SV2C: variants seen among roughly 807,000 people sequenced by gnomAD.
The protein encoded by SV2C is solute carrier family 22 member B3.
In SV2C, 49 loss-of-function variants were observed where a neutral mutation model predicts 79.7. The ratio of observed to expected loss-of-function variants is 0.61; its 90% CI spans 0.49 to 0.78. The LOEUF (loss-of-function observed/expected upper bound fraction) is 0.78. Among genes scored for constraint, SV2C ranks in the 30% least tolerant of loss-of-function variants. The pLI is 0.00. For synonymous variants in SV2C, 334 were observed against 333.2 expected (o/e 1.00, Z -0.03); for missense variants, 833 against 912.9 (o/e 0.91, Z 1.13).
At chr5:75,903,200 G>C in the SV2C span, among the ~76,000 whole-genome samples, 7 of 152,176 alleles carry the variant, frequency 4.6e-5, no homozygotes, top group South Asian at 1.5e-3. Context: ...TAAAGAATAA[G>C]AGCATAGAAT....
chr5:76,238,386 C>T (rs1745682705), intron 4 of SV2C, among the ~76,000 whole-genome samples: 2 of 151,888 alleles, frequency 1.3e-5, no homozygotes, highest in African/African-American at 4.8e-5. Flanking sequence ...TCATGTTCTC[C>T]TACATCTCTA....
intron 4 of SV2C, among the ~76,000 whole-genome samples, chr5:76,253,663 T>C (rs1462730437): frequency 6.7e-6 from 1 of 150,358 alleles, no homozygotes; most frequent in Non-Finnish European, 1.5e-5. Flanking sequence ...TCCAGCCGTT[T>C]CTGGGACAGT....
At chr5:75,943,305 T>G in the SV2C span, among the ~76,000 whole-genome samples, 39,441 of 152,062 alleles carry the variant, frequency 0.26, 5,843 homozygotes, top group African/African-American at 0.41. Flanking sequence ...GTACTGATGG[T>G]TATTAGTCTT....
upstream of SV2C, chr5:76,079,700 A>C: frequency 9.3e-6 from 3 of 323,702 alleles, no homozygotes; most frequent in Non-Finnish European, 1.9e-5. Flanking sequence ...CTCAAAGGAG[A>C]TCGTCTATGT....
chr5:76,262,858 G>T (rs909829529), intron 4 of SV2C, among the ~76,000 whole-genome samples: 3 of 152,146 alleles, frequency 2.0e-5, no homozygotes, highest in Admixed American at 1.3e-4. Context: ...CAATTATGTG[G>T]TTTATTTTAG....
intron 3 of SV2C, among the ~76,000 whole-genome samples, chr5:76,204,546 A>T (rs1744552108): frequency 6.6e-6 from 1 of 152,224 alleles, no homozygotes; most frequent in South Asian, 2.1e-4. Flanking sequence ...CTTGACAATT[A>T]TATGGTGAAA....
chr5:76,146,754 A>C (rs368045319), intron 2 of SV2C, among the ~76,000 whole-genome samples: 2 of 148,630 alleles, frequency 1.3e-5, no homozygotes, highest in African/African-American at 5.0e-5. Flanking sequence ...GGCTAATGAC[A>C]TCAGAACTGG....
At chr5:76,223,444 CATATATATATATATATATATATATATAT>C (rs70979384) in intron 4 of SV2C, among the ~76,000 whole-genome samples, 76 of 45,784 alleles carry the variant, frequency 1.7e-3, no homozygotes, top group South Asian at 7.7e-3. Flanking sequence ...TACATACATA[CATATATATATATATATATATATATATAT>C]ATATATATAT....
chr5:76,164,324 A>G (rs1742979794), intron 2 of SV2C, among the ~76,000 whole-genome samples: 1 of 152,236 alleles, frequency 6.6e-6, no homozygotes, highest in Non-Finnish European at 1.5e-5. Context: ...TTCCTTTTCC[A>G]GAAAGTCTCA....
intron 4 of SV2C, 71 bp downstream of exon 4, chr5:76,209,958 C>T (rs1210310529): frequency 6.6e-7 from 1 of 1,514,812 alleles, no homozygotes; most frequent in East Asian, 2.4e-5. Context: ...CATCTTCTTC[C>T]TCTCTTCTAA....
At chr5:76,241,894 T>C in intron 4 of SV2C, 1 of 632,354 alleles carries the variant, frequency 1.6e-6, no homozygotes, top group Admixed American at 2.6e-5. Flanking sequence ...TTCTATGTGC[T>C]AACAACATAG....
chr5:75,971,726 A>G, the SV2C span, among the ~76,000 whole-genome samples: 1 of 152,182 alleles, frequency 6.6e-6, no homozygotes, highest in Admixed American at 6.5e-5. Context: ...GGAAGAATCA[A>G]TATCGTGAAA....
At chr5:75,969,732 T>C in the SV2C span, among the ~76,000 whole-genome samples, 1 of 151,668 alleles carries the variant, frequency 6.6e-6, no homozygotes, top group Non-Finnish European at 1.5e-5. Flanking sequence ...TGGGAGATTT[T>C]AACACCCCAC....
At chr5:76,297,149 C>T (rs1029997934) in intron 9 of SV2C, among the ~76,000 whole-genome samples, 3 of 152,136 alleles carry the variant, frequency 2.0e-5, no homozygotes, top group Admixed American at 2.0e-4. Context: ...TTTTGTAAAA[C>T]ATATGTTACA....
At chr5:75,995,861 A>G in the SV2C span, among the ~76,000 whole-genome samples, 2 of 152,254 alleles carry the variant, frequency 1.3e-5, no homozygotes, top group African/African-American at 4.8e-5. Context: ...AACCATGCAT[A>G]TCAACAAGGA....
chr5:75,921,037 C>T, the SV2C span: 1 of 731,402 alleles, frequency 1.4e-6, no homozygotes, highest in Admixed American at 2.1e-5. Context: ...TCACCACCCA[C>T]CTGATGCCAT....
At chr5:76,230,901 G>C (rs1444892720) in intron 4 of SV2C, among the ~76,000 whole-genome samples, 1 of 152,194 alleles carries the variant, frequency 6.6e-6, no homozygotes, top group Non-Finnish European at 1.5e-5. Context: ...TTACACCTTT[G>C]CACCCTTGGG....
the SV2C span, among the ~76,000 whole-genome samples, chr5:76,053,929 A>G: frequency 1.3e-5 from 2 of 152,088 alleles, no homozygotes; most frequent in Admixed American, 1.3e-4. Context: ...AATGAAAATT[A>G]TTAATAATAA....
intron 1 of SV2C, among the ~76,000 whole-genome samples, chr5:76,126,659 T>C (rs1318026058): frequency 6.6e-6 from 1 of 152,180 alleles, no homozygotes; most frequent in Non-Finnish European, 1.5e-5. Flanking sequence ...AAGAGGGATG[T>C]TATGAGCCCC....
Sources: allele counts gnomAD v4.1 joint callset (sites outside exome capture counted in the v4.1 genomes callset), GRCh38; gene constraint gnomAD v4.1.1; transcripts MANE v1.5; gene names NCBI Gene and HGNC (gene_info 2026-07-23, HGNC 2026-07-21).